The following SLC16A9 variants were observed in gnomAD, a reference collection of about 807,000 sequenced individuals.
The protein encoded by SLC16A9 is solute carrier family 16 member 9, also known as monocarboxylate transporter 9.
In SLC16A9, 26 loss-of-function variants were observed where a neutral mutation model predicts 44.3. The observed-to-expected ratio is 0.59, with a 90% CI of 0.43 to 0.81. SLC16A9 has a LOEUF of 0.81. SLC16A9 is among the 40% of genes least tolerant of loss of function. The probability of loss-of-function intolerance (pLI) is 0.00; values close to 1 mark genes in which losing one functional copy is unlikely to be tolerated. For synonymous variants in SLC16A9, 230 were observed against 225.1 expected, an observed-to-expected ratio of 1.02 and a Z score of -0.19; for missense variants, 559 against 595.8, an observed-to-expected ratio of 0.94 and a Z score of 0.64.
intron 1 of SLC16A9, among the ~76,000 whole-genome samples, chr10:59,707,265 GAGGGGAGAGGAGGGAAGGGA>G (rs1213198930): frequency 1.5e-5 from 2 of 131,364 alleles, no homozygotes; most frequent in African/African-American, 5.9e-5. Context: ...CAGAGGAGGG[GAGGGGAGAGGAGGGAAGGGA>G]AGGGAAGGGA....
At chr10:59,697,376 T>C (rs1716772331) in intron 1 of SLC16A9, among the ~76,000 whole-genome samples, 1 of 151,150 alleles carries the variant, frequency 6.6e-6, no homozygotes, top group Non-Finnish European at 1.5e-5. Flanking sequence ...CTTTTCATTT[T>C]GTTCTGTACT....
At chr10:59,696,719 C>T (rs1419956353) in intron 1 of SLC16A9, among the ~76,000 whole-genome samples, 3 of 151,588 alleles carry the variant, frequency 2.0e-5, no homozygotes, top group Admixed American at 1.3e-4. Context: ...CCCTGCCGCC[C>T]CGTCTGGGAT....
At chr10:59,662,633 C>CAAA (rs71006278) in intron 4 of SLC16A9, among the ~76,000 whole-genome samples, 4,867 of 43,594 alleles carry the variant, frequency 0.11, 387 homozygotes, top group East Asian at 0.17. Flanking sequence ...AACTCCATCT[C>CAAA]AAAAAAAAAA....
chr10:59,662,057 T>C (rs1032691404), intron 4 of SLC16A9, among the ~76,000 whole-genome samples: 1 of 152,090 alleles, frequency 6.6e-6, no homozygotes, highest in Non-Finnish European at 1.5e-5. Flanking sequence ...GGCAATACCA[T>C]GCAGGACATA....
chr10:59,652,844 C>A lies in SLC16A9; in HGVS notation c.1458G>T (p.Trp486Cys). The change falls in exon 6 of 6, where the codon TGG becomes TGT. Residue 486 changes from tryptophan to cysteine, a missense_variant. Transcript: ENST00000395348. ...TGGGGAGTTGCTTGTTGCATGTATC[C>A]CAAGAGGGCAAGGCTGCCAGCAGCA... ...FILLLAALPS[W>C]DTCNKQLPKP... is the part of the protein sequence containing the mutation. The A allele has an allele frequency of 1.9e-6, 3 of 1,613,856 alleles. No individual in the cohort carries two copies. The highest frequency in any genetic ancestry group is 2.5e-6 in the Non-Finnish European group (3 of 1,179,922).
chr10:59,703,767 G>A (rs1014708897), intron 1 of SLC16A9, among the ~76,000 whole-genome samples: 27 of 151,214 alleles, frequency 1.8e-4, no homozygotes, highest in African/African-American at 5.6e-4. Flanking sequence ...CGCCCAGGCC[G>A]GAGTGCAGTG....
chr10:59,657,616 C>T (rs893647566), intron 4 of SLC16A9, among the ~76,000 whole-genome samples: 9 of 152,150 alleles, frequency 5.9e-5, no homozygotes, highest in African/African-American at 2.2e-4. Context: ...ATGCCCTCCT[C>T]TCAAGACTGA....
intron 2 of SLC16A9, among the ~76,000 whole-genome samples, chr10:59,673,752 T>C (rs1839801325): frequency 6.6e-6 from 1 of 152,208 alleles, no homozygotes; most frequent in African/African-American, 2.4e-5. Context: ...CACAGCACGC[T>C]GTAAAACCCA....
chr10:59,680,937 A>G (rs1007570752), intron 2 of SLC16A9, among the ~76,000 whole-genome samples: 2 of 151,918 alleles, frequency 1.3e-5, no homozygotes, highest in African/African-American at 4.8e-5. Context: ...GAGCCAATAT[A>G]GCACCACTGC....
At position 59,654,608 on chromosome 10, in the gene SLC16A9, C is replaced by G. The variant is rs1173855835; in HGVS notation, c.437-19G>C. ...CTTGAACCTAAAAAGGGAATGGGAACTGTTCAACCTCGTAATCTGAGGCTC... is the reference window on the plus strand; with the variant it reads ...CTTGAACCTAAAAAGGGAATGGGAAGTGTTCAACCTCGTAATCTGAGGCTC... On this transcript the variant is annotated intron_variant, in intron 4 of 5. Transcript: ENST00000395348. 6 of 1,520,756 alleles carry G rather than the reference C, an allele frequency of 3.9e-6. No homozygotes were observed. In the African/African-American group the frequency reaches 8.3e-5, roughly 21 times the overall value. 94.2% of individuals were successfully genotyped at this position (1,520,756 alleles called of 1,614,324 possible).
chr10:59,657,609 C>CCCT (rs1296832522), intron 4 of SLC16A9, among the ~76,000 whole-genome samples: 2 of 152,106 alleles, frequency 1.3e-5, no homozygotes, highest in Non-Finnish European at 2.9e-5. Flanking sequence ...GGCCCCTATG[C>CCCT]CCTCCTCTCA....
Position 59,709,153 on chromosome 10 carries a change from C to T in SLC16A9, c.-37+326G>A, listed in dbSNP as rs538149788. On this transcript the variant is annotated intron_variant, in intron 1 of 5. Coordinates refer to ENST00000395348, the MANE Select transcript of SLC16A9 (RefSeq NM_194298.3). ...AGCAACCCTGGAAGCTCTCTGGAGT[C>T]CAGAGGCAGCTCTCTGGGGGGCCAC... Among the ~76,000 whole-genome samples, 4 of 152,298 alleles carry T rather than the reference C, an allele frequency of 2.6e-5. No individual in the cohort carries two copies. In the South Asian group the frequency reaches 8.3e-4, roughly 32 times the overall value.
chr10:59,681,352 A>G (rs191619509), intron 2 of SLC16A9, among the ~76,000 whole-genome samples: 19 of 150,748 alleles, frequency 1.3e-4, no homozygotes, highest in Admixed American at 5.4e-4. Flanking sequence ...CAAATACAAT[A>G]TGTTCAATGG....
intron 3 of SLC16A9, among the ~76,000 whole-genome samples, chr10:59,664,704 A>G (rs933881626): frequency 1.3e-5 from 2 of 152,162 alleles, no homozygotes; most frequent in African/African-American, 4.8e-5. Flanking sequence ...CCCCCAGCTC[A>G]GTGTTCTTCC....
At chr10:59,670,496 A>T (rs1026108597) in intron 3 of SLC16A9, among the ~76,000 whole-genome samples, 1 of 152,228 alleles carries the variant, frequency 6.6e-6, no homozygotes, top group Non-Finnish European at 1.5e-5. Flanking sequence ...AAGTGGATAA[A>T]AGAAGGTTAA....
At chr10:59,660,241 A>G (rs976730284) in intron 4 of SLC16A9, among the ~76,000 whole-genome samples, 3 of 152,130 alleles carry the variant, frequency 2.0e-5, no homozygotes, top group Non-Finnish European at 4.4e-5. Context: ...TTAACAAAAT[A>G]CATAGACCGC....
At chr10:59,691,000 G>A (rs779377761) in intron 1 of SLC16A9, among the ~76,000 whole-genome samples, 23 of 152,128 alleles carry the variant, frequency 1.5e-4, no homozygotes, top group Non-Finnish European at 1.5e-4. Context: ...CTGGAGAATC[G>A]CTTGAACCCG....
At chr10:59,698,855 A>G (rs557162981) in intron 1 of SLC16A9, among the ~76,000 whole-genome samples, 1 of 151,474 alleles carries the variant, frequency 6.6e-6, no homozygotes, top group African/African-American at 2.4e-5. Flanking sequence ...CTCCTGTCTC[A>G]GCCTCTCGAG....
chr10:59,681,795 T>TATATG (rs1267520608), intron 2 of SLC16A9, among the ~76,000 whole-genome samples: 2 of 39,864 alleles, frequency 5.0e-5, no homozygotes, highest in African/African-American at 7.7e-5. Flanking sequence ...TGTATATGTA[T>TATATG]ATGTATATGT....
Sources: gnomAD v4.1 joint callset for allele counts (sites outside exome capture counted in the v4.1 genomes callset) on GRCh38, gnomAD v4.1.1 for gene constraint, MANE v1.5 for transcripts, NCBI Gene and HGNC (gene_info 2026-07-23, HGNC 2026-07-21) for gene names.